PXDNL: variants seen among roughly 807,000 people sequenced by gnomAD.
The protein encoded by PXDNL is probable oxidoreductase PXDNL.
A neutral mutation model predicts 150.8 loss-of-function variants in PXDNL; 145 were observed. The ratio of observed to expected loss-of-function variants is 0.96; its 90% CI spans 0.84 to 1.10. PXDNL has a LOEUF of 1.10. Among genes scored for constraint, PXDNL ranks in the 50% least tolerant of loss-of-function variants. The pLI is 0.00. For missense variants in PXDNL, 2,087 were observed against 1,873.9 expected, an observed-to-expected ratio of 1.11 and a Z score of -2.10; for synonymous variants, 757 against 725.7, an observed-to-expected ratio of 1.04 and a Z score of -0.69.
chr8:51,743,258 T>C (rs35423247), intron 1 of PXDNL, among the ~76,000 whole-genome samples: 21,900 of 152,086 alleles, frequency 0.14, 1,993 homozygotes, highest in Non-Finnish European at 0.2. Flanking sequence ...CACTCTGTCA[T>C]CCAGGCTGGA....
At chr8:51,798,913 A>G (rs2037589971) in intron 1 of PXDNL, among the ~76,000 whole-genome samples, 1 of 152,230 alleles carries the variant, frequency 6.6e-6, no homozygotes, top group Non-Finnish European at 1.5e-5. Flanking sequence ...TATATGCCCA[A>G]AGGAATATAA....
At chr8:51,447,348 A>T (rs532073276) in intron 11 of PXDNL, among the ~76,000 whole-genome samples, 186 bp from the exon 12 acceptor site, 28 of 152,178 alleles carry the variant, frequency 1.8e-4, no homozygotes, top group African/African-American at 5.8e-4. Flanking sequence ...CTTGTCCCCG[A>T]AACTCTGCCA....
intron 1 of PXDNL, among the ~76,000 whole-genome samples, chr8:51,720,780 G>A (rs908875018): frequency 1.3e-5 from 2 of 152,152 alleles, no homozygotes; most frequent in Non-Finnish European, 2.9e-5. Flanking sequence ...TCACACAGTC[G>A]GCTAGTGGTC....
chr8:51,653,415 C>G (rs1377069935), intron 2 of PXDNL, among the ~76,000 whole-genome samples: 1 of 151,950 alleles, frequency 6.6e-6, no homozygotes, highest in South Asian at 2.1e-4. Context: ...AAGGCTCTGT[C>G]TCAAAGAAAA....
rs1363040819 is a variant in PXDNL, at chr8:51,549,037, T to A, written c.380+7803A>T. 2.6e-5 allele frequency among the ~76,000 whole-genome samples: 4 copies of A among 152,040 alleles called. No homozygotes were observed. In the South Asian group the frequency reaches 6.2e-4, roughly 24 times the overall value. On this transcript the variant is annotated intron_variant, in intron 4 of 22. Transcript: ENST00000356297. ...GCAAGCAGGAATAGCTATTCTTACA[T>A]CAGACAAAACACACTATAAAGCAAT...
intron 4 of PXDNL, among the ~76,000 whole-genome samples, chr8:51,511,287 A>G (rs538516552): frequency 6.6e-6 from 1 of 152,342 alleles, no homozygotes; most frequent in Admixed American, 6.5e-5. Context: ...CAGAAGTCCA[A>G]GGCAACTAGA....
At chr8:51,792,314 G>T (rs1439099380) in intron 1 of PXDNL, among the ~76,000 whole-genome samples, 4 of 152,124 alleles carry the variant, frequency 2.6e-5, no homozygotes, top group Non-Finnish European at 4.4e-5. Context: ...CAGCCCTCCT[G>T]GGAGCCACAC....
intron 21 of PXDNL, 47 bp from the exon 22 acceptor site, chr8:51,320,944 G>T: frequency 7.3e-7 from 1 of 1,362,338 alleles, no homozygotes; most frequent in Non-Finnish European, 1.0e-6. Context: ...GAAGCGGATA[G>T]CAACAAAGCC....
intron 2 of PXDNL, among the ~76,000 whole-genome samples, chr8:51,640,252 G>A (rs1237602678): frequency 6.6e-6 from 1 of 152,084 alleles, no homozygotes; most frequent in African/African-American, 2.4e-5. Context: ...ATATCACACT[G>A]AATGGGCAAA....
At chr8:51,747,771 G>A (rs886282134) in intron 1 of PXDNL, among the ~76,000 whole-genome samples, 22 of 152,194 alleles carry the variant, frequency 1.4e-4, no homozygotes, top group African/African-American at 2.9e-4. Flanking sequence ...GTTAATTCCC[G>A]GGCCATAGTT....
chr8:51,402,611 C>T (rs546880154), intron 17 of PXDNL, among the ~76,000 whole-genome samples: 19 of 152,034 alleles, frequency 1.2e-4, no homozygotes, highest in South Asian at 2.1e-4. Flanking sequence ...CAAAAGTAAC[C>T]GTATCCACAA....
At chr8:51,772,566 G>A (rs965229084) in intron 1 of PXDNL, among the ~76,000 whole-genome samples, 2 of 152,158 alleles carry the variant, frequency 1.3e-5, no homozygotes, top group African/African-American at 4.8e-5. Flanking sequence ...GAGGACTCCA[G>A]GAAGGTTCTG....
At position 51,423,697 on chromosome 8, in the gene PXDNL, T is replaced by G; in HGVS notation, c.1673A>C (p.His558Pro). The change falls in exon 14 of 23, where the codon CAT becomes CCT. Residue 558 changes from histidine to proline, a missense_variant. Coordinates refer to ENST00000356297, the MANE Select transcript of PXDNL (RefSeq NM_144651.5). Reference sequence around the variant, plus strand: ...AGTCAGCGTGCCTTCATCATCCACATGGAATTTACCACTCTCAGTAATCTG... The same window carrying G: ...AGTCAGCGTGCCTTCATCATCCACAGGGAATTTACCACTCTCAGTAATCTG... ...GVQITESGKF[H>P]VDDEGTLTIY... 2 of 1,613,870 alleles carry G rather than the reference T, an allele frequency of 1.2e-6. No individual in the cohort carries two copies. Among genetic ancestry groups the G allele is most frequent in the Non-Finnish European group, 1.7e-6 (2 of 1,179,802 alleles).
intron 13 of PXDNL, among the ~76,000 whole-genome samples, chr8:51,425,227 C>T (rs13274871): frequency 0.95 from 144,547 of 152,310 alleles, 68,832 homozygotes; most frequent in Non-Finnish European, 0.99. Context: ...GCGTTTCTAT[C>T]GCTGGTAGCA....
At chr8:51,549,322 A>G (rs1293907596) in intron 4 of PXDNL, among the ~76,000 whole-genome samples, 2 of 152,202 alleles carry the variant, frequency 1.3e-5, no homozygotes, top group Non-Finnish European at 2.9e-5. Context: ...ACCCTAGGAA[A>G]AATGGACTTA....
intron 1 of PXDNL, among the ~76,000 whole-genome samples, chr8:51,772,198 C>CTCTCTG: frequency 6.6e-6 from 1 of 151,352 alleles, no homozygotes; most frequent in African/African-American, 2.4e-5. Flanking sequence ...CTCTCTCTCT[C>CTCTCTG]TCTCTGTCTC....
chr8:51,648,728 T>C (rs1025468922), intron 2 of PXDNL, among the ~76,000 whole-genome samples: 9 of 152,234 alleles, frequency 5.9e-5, no homozygotes, highest in African/African-American at 1.9e-4. Context: ...ATATGCGCTA[T>C]GATTATCCTC....
intron 1 of PXDNL, among the ~76,000 whole-genome samples, chr8:51,680,047 T>G (rs568066546): frequency 6.6e-6 from 1 of 152,362 alleles, no homozygotes; most frequent in South Asian, 2.1e-4. Context: ...TATATTTGAT[T>G]TATGCTTGAA....
chr8:51,776,353 G>T (rs887771135), intron 1 of PXDNL, among the ~76,000 whole-genome samples: 1 of 152,044 alleles, frequency 6.6e-6, no homozygotes, highest in Non-Finnish European at 1.5e-5. Flanking sequence ...AAACTTGCTG[G>T]TTTTGCGGGT....
Sources: allele counts gnomAD v4.1 joint callset (sites outside exome capture counted in the v4.1 genomes callset), GRCh38; gene constraint gnomAD v4.1.1; transcripts MANE v1.5; gene names NCBI Gene and HGNC (gene_info 2026-07-23, HGNC 2026-07-21).